The following TXN variants were observed in gnomAD, a reference collection of about 807,000 sequenced individuals.
TXN encodes the protein ADF.
TXN carries 10 observed loss-of-function variants against 16.5 expected under a neutral mutation model. That is an observed-to-expected ratio of 0.61 (90% CI 0.37 to 1.03). The LOEUF (loss-of-function observed/expected upper bound fraction) is 1.03, where lower values mean the gene tolerates loss of function less well. Ranked by LOEUF, TXN falls within the 50% of genes least tolerant of loss-of-function variation. The probability of loss-of-function intolerance (pLI) is 0.01; values close to 1 mark genes in which losing one functional copy is unlikely to be tolerated. For missense variants in TXN, 71 were observed against 122.5 expected, an observed-to-expected ratio of 0.58 and a Z score of 1.98; for synonymous variants, 35 against 39.4, an observed-to-expected ratio of 0.89 and a Z score of 0.42.
At chr9:110,251,679 A>T (rs1315447392) in intron 1 of TXN, among the ~76,000 whole-genome samples, 1 of 150,184 alleles carries the variant, frequency 6.7e-6, no homozygotes, top group African/African-American at 2.4e-5. Flanking sequence ...GTGTTACTTG[A>T]TAAGATGAAA....
chr9:110,255,868 C>G (rs1048541343), intron 1 of TXN, among the ~76,000 whole-genome samples: 3 of 152,242 alleles, frequency 2.0e-5, no homozygotes, highest in Admixed American at 2.0e-4. Context: ...ATCACTACCC[C>G]CGCTGCGGGT....
At chr9:110,252,727 CT>C (rs1222536187) in intron 1 of TXN, among the ~76,000 whole-genome samples, 3 of 151,404 alleles carry the variant, frequency 2.0e-5, no homozygotes, top group Non-Finnish European at 3.0e-5. Context: ...TCACAGTAAC[CT>C]TTGCCTCCGG....
chr9:110,256,485 T>A lies in TXN; in HGVS notation c.-50A>T. The stretch of plus-strand genomic sequence containing the variant: ...GGCTGTAAGGACCGATGGAAATGGA[T>A]CCAAAGCACCAAACAGAGCTTCAAG... On this transcript the variant is annotated 5_prime_UTR_variant, in exon 1 of 5. Coordinates refer to ENST00000374517, the MANE Select transcript of TXN (RefSeq NM_003329.4). The surrounding 1 kb of genome is among the most constrained non-coding windows in gnomAD (Gnocchi z 4.2). The A allele has an allele frequency of 1.9e-6, 3 of 1,581,732 alleles. No homozygotes were observed. The highest frequency in any genetic ancestry group is 2.6e-6 in the Non-Finnish European group (3 of 1,161,288).
intron 3 of TXN, among the ~76,000 whole-genome samples, chr9:110,248,287 G>A (rs1169992066): frequency 2.6e-5 from 4 of 152,106 alleles, no homozygotes; most frequent in African/African-American, 7.2e-5. Context: ...TCACTGACTC[G>A]CCCAGAGCAC....
intron 1 of TXN, among the ~76,000 whole-genome samples, chr9:110,255,545 CACCG>C (rs896855267): frequency 1.3e-5 from 2 of 152,236 alleles, no homozygotes; most frequent in Non-Finnish European, 2.9e-5. Flanking sequence ...CAGCAAAACC[CACCG>C]ACTGAGGGTG....
intron 1 of TXN, among the ~76,000 whole-genome samples, chr9:110,255,921 G>A (rs1465816737): frequency 6.6e-6 from 1 of 152,172 alleles, no homozygotes; most frequent in Non-Finnish European, 1.5e-5. Flanking sequence ...CCACCGACCC[G>A]TGCCTTCTGC....
intron 1 of TXN, among the ~76,000 whole-genome samples, chr9:110,254,899 T>C (rs1439817159): frequency 6.6e-6 from 1 of 152,126 alleles, no homozygotes; most frequent in Non-Finnish European, 1.5e-5. Context: ...CCCACTCCCT[T>C]CCCCAGGAAT....
chr9:110,248,315 C>T (rs1161726078), intron 3 of TXN, among the ~76,000 whole-genome samples: 1 of 152,210 alleles, frequency 6.6e-6, no homozygotes, highest in Non-Finnish European at 1.5e-5. Flanking sequence ...TCCTGCAAGT[C>T]CCGTTTATGG....
At chr9:110,246,950 C>T (rs1301968957) in intron 3 of TXN, among the ~76,000 whole-genome samples, 1 of 152,174 alleles carries the variant, frequency 6.6e-6, no homozygotes, top group Non-Finnish European at 1.5e-5. Flanking sequence ...AAAAGGGCTA[C>T]TACTCATACT....
At chr9:110,244,938 T>C in intron 3 of TXN, 95 bp from the exon 4 acceptor site, 1 of 898,516 alleles carries the variant, frequency 1.1e-6, no homozygotes. Context: ...CTTTTCCCTG[T>C]CATGTACCCC....
rs1837669202 is a variant in TXN at position 110,247,130 on chromosome 9, C to T, written c.190-2287G>A. 2.6e-5 allele frequency among the ~76,000 whole-genome samples: 4 copies of T among 152,130 alleles called. No individual in the cohort carries two copies. In the South Asian group the frequency reaches 6.2e-4, roughly 24 times the overall value. On this transcript the variant is annotated intron_variant, in intron 3 of 4. Coordinates refer to ENST00000374517, the MANE Select transcript of TXN (RefSeq NM_003329.4). The stretch of plus-strand genomic sequence containing the variant: ...TTGAGGTGAGGAGTTCGAGACCAGC[C>T]TGGCCAACATGGCAAAATGCTGTCT...
chr9:110,245,652 A>ATTT (rs1277293432), intron 3 of TXN, among the ~76,000 whole-genome samples: 4 of 23,676 alleles, frequency 1.7e-4, no homozygotes, highest in African/African-American at 8.0e-4. Flanking sequence ...ATATATATAT[A>ATTT]TATTTTTTTT....
At chr9:110,252,521 C>T (rs1837754408) in intron 1 of TXN, among the ~76,000 whole-genome samples, 1 of 152,128 alleles carries the variant, frequency 6.6e-6, no homozygotes, top group Admixed American at 6.5e-5. Flanking sequence ...ATAAGGAATG[C>T]TTGTTAAATA....
intron 1 of TXN, among the ~76,000 whole-genome samples, chr9:110,255,145 T>C (rs895413705): frequency 2.0e-5 from 3 of 152,126 alleles, no homozygotes; most frequent in African/African-American, 7.2e-5. Context: ...GACACACTTC[T>C]GTTTCCGAAG....
intron 1 of TXN, 21 bp from the exon 2 acceptor site, chr9:110,251,483 T>C (rs1837735955): frequency 4.2e-6 from 6 of 1,436,272 alleles, no homozygotes; most frequent in Non-Finnish European, 5.8e-6. Context: ...AAGAAAAGCT[T>C]ATATTAAATA....
chr9:110,247,378 T>C (rs976641827), intron 3 of TXN, among the ~76,000 whole-genome samples: 1 of 149,922 alleles, frequency 6.7e-6, no homozygotes, highest in Non-Finnish European at 1.5e-5. Flanking sequence ...CAAGCAGACA[T>C]GAAGGAGGAG....
At chr9:110,245,992 G>C (rs1379447237) in intron 3 of TXN, among the ~76,000 whole-genome samples, 4 of 152,004 alleles carry the variant, frequency 2.6e-5, no homozygotes, top group Admixed American at 6.6e-5. Flanking sequence ...TTGAACCTGG[G>C]AGGCGGAGGT....
At chr9:110,252,613 G>A (rs1164527335) in intron 1 of TXN, among the ~76,000 whole-genome samples, 4 of 152,112 alleles carry the variant, frequency 2.6e-5, no homozygotes, top group Admixed American at 2.6e-4. Context: ...GTAACCCTGG[G>A]AACCGAATAT....
intron 3 of TXN, 56 bp from the exon 4 acceptor site, chr9:110,244,899 C>T: frequency 2.1e-6 from 3 of 1,459,362 alleles, no homozygotes; most frequent in Non-Finnish European, 2.9e-6. Context: ...GAGTACTGAG[C>T]TTTGACAGAA....
Sources: gnomAD v4.1 joint callset for allele counts (sites outside exome capture counted in the v4.1 genomes callset) on GRCh38, gnomAD v4.1.1 for gene constraint, Gnocchi (gnomAD v3.1) non-coding constraint, MANE v1.5 for transcripts, NCBI Gene and HGNC (gene_info 2026-07-23, HGNC 2026-07-21) for gene names.